Variants in DAAM1 observed in about 807,000 individuals in gnomAD.
DAAM1 encodes the protein disheveled-associated activator of morphogenesis 1.
In DAAM1, 52 loss-of-function variants were observed where a neutral mutation model predicts 130.0. The ratio of observed to expected loss-of-function variants is 0.40; its 90% confidence interval spans 0.32 to 0.50. The LOEUF is 0.50. Among genes scored for constraint, DAAM1 ranks in the 20% least tolerant of loss-of-function variants. The pLI is 0.61. For synonymous variants in DAAM1, 452 were observed against 444.5 expected (o/e 1.02, Z -0.21); for missense variants, 1,134 against 1,303.8 (o/e 0.87, Z 2.01).
intron 20 of DAAM1, among the ~76,000 whole-genome samples, chr14:59,358,775 G>A (rs1410367390): frequency 6.6e-6 from 1 of 151,636 alleles, no homozygotes; most frequent in African/African-American, 2.4e-5. Context: ...CCCAGGAGGC[G>A]GAGGTTGCAG....
At chr14:59,348,079 T>A (rs780637941) in intron 17 of DAAM1, among the ~76,000 whole-genome samples, 2 of 152,208 alleles carry the variant, frequency 1.3e-5, no homozygotes, top group Non-Finnish European at 1.5e-5. Flanking sequence ...CCTAACACTG[T>A]CATCTGTATC....
At chr14:59,305,430 T>G (rs1884340293) in intron 3 of DAAM1, among the ~76,000 whole-genome samples, 1 of 152,240 alleles carries the variant, frequency 6.6e-6, no homozygotes, top group Non-Finnish European at 1.5e-5. Context: ...TTGAGAATTT[T>G]AGGCTTCAGT....
At position 59,326,505 on chromosome 14, in the gene DAAM1, T is replaced by C; in HGVS notation, c.1175-5T>C. The C allele has an allele frequency of 6.4e-7, 1 of 1,565,882 alleles. No homozygotes were observed. The highest frequency in any genetic ancestry group is 8.6e-7 in the Non-Finnish European group (1 of 1,159,060). The stretch of plus-strand genomic sequence containing the variant: ...ATTTTTTTTCACTATTCTTTTCTTT[T>C]TTAGACAAGAGGAGTGGCAACACTG... On this transcript the variant is annotated splice_polypyrimidine_tract_variant and splice_region_variant and intron_variant, in intron 10 of 24. Coordinates refer to ENST00000360909, the MANE Select transcript of DAAM1 (RefSeq NM_001270520.2).
chr14:59,354,048 A>G, intron 19 of DAAM1, 84 bp downstream of exon 19: 1 of 1,343,044 alleles, frequency 7.4e-7, no homozygotes, highest in Non-Finnish European at 1.0e-6. Flanking sequence ...ATAGTAAACA[A>G]GATCCCCTTG....
chr14:59,282,651 C>T (rs541435054), intron 2 of DAAM1, among the ~76,000 whole-genome samples: 5 of 152,240 alleles, frequency 3.3e-5, no homozygotes, highest in East Asian at 3.9e-4. Flanking sequence ...AGTCTAGACT[C>T]GAGTTCTTCC....
intron 1 of DAAM1, among the ~76,000 whole-genome samples, chr14:59,261,258 C>G (rs578216524): frequency 6.6e-6 from 1 of 152,284 alleles, no homozygotes; most frequent in Non-Finnish European, 1.5e-5. Flanking sequence ...AGATCCTGCT[C>G]AGTTTACATG....
chr14:59,263,763 C>A, intron 2 of DAAM1, 103 bp downstream of exon 2: 1 of 1,414,968 alleles, frequency 7.1e-7, no homozygotes, highest in Non-Finnish European at 9.8e-7. Flanking sequence ...TTTTCCTTTT[C>A]AGTGAAATGG....
intron 1 of DAAM1, among the ~76,000 whole-genome samples, chr14:59,225,567 T>C (rs1477942951): frequency 1.3e-5 from 2 of 152,172 alleles, no homozygotes; most frequent in South Asian, 2.1e-4. Flanking sequence ...TGAATTTGTT[T>C]AGTACCACTT....
chr14:59,268,412 C>T (rs1007313842), intron 2 of DAAM1, among the ~76,000 whole-genome samples: 4 of 152,226 alleles, frequency 2.6e-5, no homozygotes, highest in Admixed American at 2.6e-4. Flanking sequence ...TTTTGAGAAA[C>T]TTTCAGACTG....
chr14:59,288,563 AAAC>A (rs1272962501), intron 2 of DAAM1, among the ~76,000 whole-genome samples: 4 of 152,186 alleles, frequency 2.6e-5, no homozygotes, highest in Non-Finnish European at 5.9e-5. Flanking sequence ...AGCAAGCAAA[AAAC>A]AACCCAATGA....
At chr14:59,337,235 G>A (rs1885662919) in intron 15 of DAAM1, among the ~76,000 whole-genome samples, 1 of 152,202 alleles carries the variant, frequency 6.6e-6, no homozygotes, top group Non-Finnish European at 1.5e-5. Context: ...GCTTTTACAG[G>A]AAGAGTCCTA....
intron 2 of DAAM1, among the ~76,000 whole-genome samples, chr14:59,270,382 G>A (rs35045925): frequency 0.2 from 29,934 of 152,048 alleles, 3,119 homozygotes; most frequent in East Asian, 0.32. Context: ...AATGGTGGTG[G>A]GGTGGCAGGT....
rs912153597 is a variant in DAAM1, at chr14:59,228,101, C to CT, written c.-37-35331dup. Among the ~76,000 whole-genome samples, 16 of 151,586 alleles carry CT rather than the reference C, an allele frequency of 1.1e-4. 1 individual carries two copies. In the East Asian group the frequency reaches 1.7e-3, roughly 16 times the overall value. ...ACCCACAAGTTGTTTTTTCTTACCA[C>CT]TTTTTTTTTCTTCTAAATCTTAAGG... On this transcript the variant is annotated intron_variant, in intron 1 of 24. Transcript: ENST00000360909.
chr14:59,330,785 A>T, intron 13 of DAAM1, 97 bp downstream of exon 13: 1 of 1,217,976 alleles, frequency 8.2e-7, no homozygotes, highest in Non-Finnish European at 1.1e-6. Flanking sequence ...GGGGGAATAA[A>T]ATCTGAAATG....
In DAAM1 at chr14:59,295,885, T is replaced by C. The variant is rs1321952083; in HGVS notation, c.273+4579T>C. Among the ~76,000 whole-genome samples the C allele has an allele frequency of 2.6e-5, 4 of 152,158 alleles. No homozygotes were observed. In the South Asian group the frequency reaches 8.3e-4, roughly 32 times the overall value. The stretch of plus-strand genomic sequence containing the variant: ...GTCTTCTTTCTTTTACTGTGGTTGA[T>C]TAAATATACAGTAAAGTGAGCATTG... On this transcript the variant is annotated intron_variant, in intron 3 of 24. Coordinates refer to ENST00000360909, the MANE Select transcript of DAAM1 (RefSeq NM_001270520.2).
chr14:59,242,843 C>T (rs1003933239), intron 1 of DAAM1, among the ~76,000 whole-genome samples: 10 of 152,000 alleles, frequency 6.6e-5, no homozygotes, highest in Non-Finnish European at 1.0e-4. Context: ...TGTGAGCCAC[C>T]GTGCCCAGCC....
chr14:59,238,355 T>A (rs1027623551), intron 1 of DAAM1, among the ~76,000 whole-genome samples: 3 of 152,188 alleles, frequency 2.0e-5, no homozygotes, highest in African/African-American at 4.8e-5. Flanking sequence ...CCTTATGTCC[T>A]CTGAACCCTT....
chr14:59,255,921 C>G (rs1881861884), intron 1 of DAAM1, among the ~76,000 whole-genome samples: 1 of 152,190 alleles, frequency 6.6e-6, no homozygotes, highest in African/African-American at 2.4e-5. Flanking sequence ...AAAACTCTCA[C>G]AACTTCTAAC....
At chr14:59,278,183 G>C (rs1883054006) in intron 2 of DAAM1, among the ~76,000 whole-genome samples, 1 of 152,128 alleles carries the variant, frequency 6.6e-6, no homozygotes, top group Non-Finnish European at 1.5e-5. Flanking sequence ...TAAAATGCCT[G>C]TGTGATCAGA....
Sources: allele counts gnomAD v4.1 joint callset (sites outside exome capture counted in the v4.1 genomes callset), GRCh38; gene constraint gnomAD v4.1.1; transcripts MANE v1.5; gene names NCBI Gene and HGNC (gene_info 2026-07-23, HGNC 2026-07-21).